Variants in GOLM1 observed in about 807,000 individuals in gnomAD.
GOLM1 encodes epididymis luminal protein 46.
A neutral mutation model predicts 50.5 loss-of-function variants in GOLM1; 31 were observed. The ratio of observed to expected loss-of-function variants is 0.61; its 90% CI spans 0.46 to 0.83. The LOEUF is 0.83. Among genes scored for constraint, GOLM1 ranks in the 40% least tolerant of loss-of-function variants. The probability of loss-of-function intolerance (pLI) is 0.00; values close to 1 mark genes in which losing one functional copy is unlikely to be tolerated. For missense variants in GOLM1, 491 were observed against 501.3 expected (o/e 0.98, Z 0.20); for synonymous variants, 178 against 192.8 (o/e 0.92, Z 0.64).
intron 4 of GOLM1, among the ~76,000 whole-genome samples, chr9:86,051,364 T>C (rs1833744587): frequency 6.6e-6 from 1 of 152,230 alleles, no homozygotes; most frequent in Admixed American, 6.5e-5. Context: ...GAGAGTTCTA[T>C]AGATGTCTAT....
At chr9:86,084,893 CAAG>C (rs1834904960) in intron 1 of GOLM1, 1 of 152,054 alleles carries the variant, frequency 6.6e-6, no homozygotes, top group Non-Finnish European at 1.5e-5. Context: ...ACTAAAAATA[CAAG>C]AAGTAGCCGG....
chr9:86,054,166 G>C (rs1433786093), intron 3 of GOLM1, among the ~76,000 whole-genome samples: 1 of 152,122 alleles, frequency 6.6e-6, no homozygotes, highest in Non-Finnish European at 1.5e-5. Flanking sequence ...AAAGTAGGAA[G>C]AATGAGTGTC....
intron 9 of GOLM1, among the ~76,000 whole-genome samples, chr9:86,029,134 A>G (rs938260582): frequency 1.2e-4 from 19 of 152,144 alleles, no homozygotes; most frequent in East Asian, 7.8e-4. Context: ...TGGGATTACA[A>G]GCGTGAGCAA....
chr9:86,047,567 G>T (rs1444753238), intron 4 of GOLM1, among the ~76,000 whole-genome samples: 1 of 151,996 alleles, frequency 6.6e-6, no homozygotes, highest in South Asian at 2.1e-4. Flanking sequence ...TGGGTGGGGG[G>T]TCCTGGAGCG....
chr9:86,088,485 T>C (rs1288653388), intron 1 of GOLM1, among the ~76,000 whole-genome samples: 2 of 141,580 alleles, frequency 1.4e-5, no homozygotes, highest in South Asian at 4.5e-4. Context: ...TCTTGTTGCA[T>C]TGATTCCTTT....
intron 3 of GOLM1, among the ~76,000 whole-genome samples, chr9:86,069,615 T>C (rs1334658853): frequency 1.3e-5 from 2 of 152,230 alleles, no homozygotes; most frequent in Non-Finnish European, 2.9e-5. Flanking sequence ...ATTCCTCCTG[T>C]GTGAGGTTCC....
chr9:86,042,290 G>GT (rs1256378074), intron 5 of GOLM1, among the ~76,000 whole-genome samples: 14 of 152,202 alleles, frequency 9.2e-5, no homozygotes, highest in Non-Finnish European at 2.1e-4. Flanking sequence ...GGGTGACATG[G>GT]TTGTCTGGCA....
At chr9:86,044,939 G>A (rs1464990219) in intron 5 of GOLM1, among the ~76,000 whole-genome samples, 1 of 150,962 alleles carries the variant, frequency 6.6e-6, no homozygotes, top group Non-Finnish European at 1.5e-5. Flanking sequence ...GAAACGAGCT[G>A]TGAAACTCCA....
At chr9:86,081,160 T>G (rs1346023963) in intron 1 of GOLM1, among the ~76,000 whole-genome samples, 1 of 151,784 alleles carries the variant, frequency 6.6e-6, no homozygotes, top group African/African-American at 2.4e-5. Context: ...AGTACTGGGA[T>G]TACAGGTATG....
intron 3 of GOLM1, among the ~76,000 whole-genome samples, chr9:86,072,071 G>A (rs1220453149): frequency 6.6e-6 from 1 of 152,158 alleles, no homozygotes; most frequent in Non-Finnish European, 1.5e-5. Context: ...AAATGATAGT[G>A]ACCAAACATA....
intron 1 of GOLM1, among the ~76,000 whole-genome samples, chr9:86,090,277 C>T (rs1172007790): frequency 6.6e-6 from 1 of 152,178 alleles, no homozygotes; most frequent in African/African-American, 2.4e-5. Context: ...GAGTGTTATG[C>T]TGGGAGATCT....
intron 1 of GOLM1, among the ~76,000 whole-genome samples, chr9:86,086,979 T>C (rs1376509087): frequency 1.3e-5 from 2 of 152,230 alleles, no homozygotes; most frequent in East Asian, 1.9e-4. Flanking sequence ...TTTTTTCCAA[T>C]TCTGTGAAGA....
chr9:86,098,973 C>T (rs1308009186), intron 1 of GOLM1, among the ~76,000 whole-genome samples: 2 of 152,192 alleles, frequency 1.3e-5, no homozygotes, highest in East Asian at 3.9e-4. Context: ...CCGAGAGACT[C>T]GCGGCTCGGC....
At chr9:86,037,925 C>T (rs1385592586) in intron 6 of GOLM1, among the ~76,000 whole-genome samples, 4 of 151,886 alleles carry the variant, frequency 2.6e-5, no homozygotes, top group Admixed American at 6.6e-5. Flanking sequence ...GAGGCTGAGA[C>T]GGGCTGATCA....
chr9:86,088,567 GTTTTGTTTTTTTTTTTT>G (rs1563969103), intron 1 of GOLM1, among the ~76,000 whole-genome samples: 4 of 58,798 alleles, frequency 6.8e-5, no homozygotes, highest in Non-Finnish European at 1.2e-4. Flanking sequence ...GCAACTCCTG[GTTTTGTTTTTTTTTTTT>G]TTTTGTTTTG....
At chr9:86,076,451 A>AAAAAAAAAC (rs1834618091) in intron 3 of GOLM1, among the ~76,000 whole-genome samples, 1 of 136,170 alleles carries the variant, frequency 7.3e-6, no homozygotes, top group Non-Finnish European at 1.6e-5. Flanking sequence ...AAAAAAAAAA[A>AAAAAAAAAC]AAAGCCAAAT....
intron 1 of GOLM1, among the ~76,000 whole-genome samples, chr9:86,094,163 GGT>G (rs1491328583): frequency 5.5e-5 from 4 of 72,122 alleles, no homozygotes; most frequent in African/African-American, 3.5e-4. Context: ...ATCCGGGCCT[GGT>G]TTTTTTTTTT....
At chr9:86,066,441 A>G (rs936122916) in intron 3 of GOLM1, among the ~76,000 whole-genome samples, 11 of 152,164 alleles carry the variant, frequency 7.2e-5, no homozygotes, top group Non-Finnish European at 1.5e-4. Context: ...TCTGGACACA[A>G]AACGATAAGC....
At chr9:86,086,856 C>T (rs1182257285) in intron 1 of GOLM1, among the ~76,000 whole-genome samples, 1 of 152,118 alleles carries the variant, frequency 6.6e-6, no homozygotes, top group East Asian at 1.9e-4. Flanking sequence ...GTTACTGTAG[C>T]CTTGTGGTAC....
Sources: gnomAD v4.1 joint callset for allele counts (sites outside exome capture counted in the v4.1 genomes callset) on GRCh38, gnomAD v4.1.1 for gene constraint, MANE v1.5 for transcripts, NCBI Gene and HGNC (gene_info 2026-07-23, HGNC 2026-07-21) for gene names.